The following CREBBP variants were observed in gnomAD, a reference collection of about 807,000 sequenced individuals.
The protein encoded by CREBBP is CREB-binding protein.
A neutral mutation model predicts 265.0 loss-of-function variants in CREBBP; 19 were observed. The ratio of observed to expected loss-of-function variants is 0.07; its 90% confidence interval spans 0.05 to 0.11. The LOEUF is 0.11. Ranked by LOEUF, CREBBP falls within the 10% of genes least tolerant of loss-of-function variation. CREBBP has a pLI of 1.00. For synonymous variants in CREBBP, 1,457 were observed against 1,223.7 expected, an observed-to-expected ratio of 1.19 and a Z score of -3.98; for missense variants, 2,525 against 3,219.0, an observed-to-expected ratio of 0.78 and a Z score of 5.22.
In CREBBP at chr16:3,880,083, G is replaced by T; in HGVS notation, c.-167C>A. 1 of 334,510 alleles carries T rather than the reference G, an allele frequency of 3.0e-6. No homozygotes were observed. The highest frequency in any genetic ancestry group is 1.3e-4 in the South Asian group (1 of 7,950). 20.7% of individuals were successfully genotyped at this position (334,510 alleles called of 1,614,324 possible). A position where few individuals can be genotyped will look rare whatever the true frequency, so the allele number is the denominator to read the frequency against. On this transcript the variant is annotated 5_prime_UTR_variant, in exon 1 of 31. Coordinates refer to ENST00000262367, the MANE Select transcript of CREBBP (RefSeq NM_004380.3). ...AGGGCGCAGGCCGGGTGGGGGAGGC[G>T]GCGGCCAAATCTCAGCCACAGCAAC...
chr16:3,869,928 C>A (rs1199087525), intron 1 of CREBBP, among the ~76,000 whole-genome samples: 1 of 152,210 alleles, frequency 6.6e-6, no homozygotes. Context: ...GACTTCTCAA[C>A]AGAAGTTCAA....
intron 13 of CREBBP, among the ~76,000 whole-genome samples, chr16:3,771,734 C>A (rs2053013762): frequency 6.6e-6 from 1 of 151,714 alleles, no homozygotes; most frequent in South Asian, 2.1e-4. Context: ...TGATTCACAT[C>A]CCTGGGGGCA....
intron 2 of CREBBP, among the ~76,000 whole-genome samples, chr16:3,818,733 A>G (rs1234513309): frequency 6.6e-6 from 1 of 152,136 alleles, no homozygotes; most frequent in Non-Finnish European, 1.5e-5. Flanking sequence ...ACAGCAGACC[A>G]CTCAGAGGAA....
rs368186457 is a variant in CREBBP at position 3,731,805 on chromosome 16, G to C, written c.4861C>G (p.Leu1621Val). 10 of 1,614,280 alleles carry C rather than the reference G, an allele frequency of 6.2e-6. No homozygotes were observed. Among genetic ancestry groups the C allele is most frequent in the Non-Finnish European group, 8.5e-6 (10 of 1,180,058 alleles). Residue 1621 changes from leucine to valine, a missense_variant, in exon 29 of 31, where the codon CTG (leucine) becomes GTG (valine). Physicochemically the swap from Leu to Val is conservative, Grantham distance 32. This residue lies in a region of CREBBP where 93 missense variants were observed against 161.5 expected (regional missense o/e 0.58). Coordinates refer to ENST00000262367, the MANE Select transcript of CREBBP (RefSeq NM_004380.3). The surrounding 1 kb of genome is among the most constrained non-coding windows in gnomAD (Gnocchi z 7.7). ...TTGTGCTTCTCCATGGTGGCATACA[G>C]CTTCTGGGACAGGTCATTGGACACG... ...PNVSNDLSQK[L>V]YATMEKHKEV...
chr16:3,851,855 C>T (rs1334216444), intron 1 of CREBBP, among the ~76,000 whole-genome samples: 7 of 71,522 alleles, frequency 9.8e-5, no homozygotes, highest in Admixed American at 1.7e-4. Context: ...AGCGAGACTC[C>T]GTCTCAAAAA....
chr16:3,833,437 A>C (rs2054382445), intron 2 of CREBBP, among the ~76,000 whole-genome samples: 1 of 152,138 alleles, frequency 6.6e-6, no homozygotes, highest in South Asian at 2.1e-4. Flanking sequence ...CAAACAAACA[A>C]AACATTGTAC....
At chr16:3,820,546 A>G (rs1295831494) in intron 2 of CREBBP, among the ~76,000 whole-genome samples, 1 of 152,234 alleles carries the variant, frequency 6.6e-6, no homozygotes, top group Admixed American at 6.5e-5. Flanking sequence ...GACTAGTAAC[A>G]AAGTATTTAG....
intron 26 of CREBBP, among the ~76,000 whole-genome samples, chr16:3,737,941 C>T (rs1402931429): frequency 2.6e-5 from 4 of 151,802 alleles, no homozygotes; most frequent in Admixed American, 6.6e-5. Flanking sequence ...GCTCATGCTA[C>T]TATGCCCGGC....
intron 1 of CREBBP, among the ~76,000 whole-genome samples, chr16:3,856,123 A>T (rs1190918479): frequency 6.6e-6 from 1 of 152,172 alleles, no homozygotes; most frequent in Non-Finnish European, 1.5e-5. Context: ...CCAAATAACA[A>T]CATTTTATTT....
intron 24 of CREBBP, 32 bp downstream of exon 24, chr16:3,740,367 C>T (rs1243849611): frequency 7.4e-6 from 12 of 1,613,354 alleles, no homozygotes; most frequent in South Asian, 5.5e-5. Flanking sequence ...GGGGACTGCT[C>T]GCAGAGCACT....
At chr16:3,735,547 C>A (rs180698863) in intron 28 of CREBBP, among the ~76,000 whole-genome samples, 1 of 152,120 alleles carries the variant, frequency 6.6e-6, no homozygotes, top group East Asian at 1.9e-4. Context: ...CCGCCTGCCT[C>A]GGCCTCCCAA....
rs2051710129 is a variant in CREBBP at position 3,725,150 on chromosome 16, CTT to C, written c.*2566_*2567del. ...CAAATATAGGACTTTTTCTTCTCCT[CTT>C]AAGTATACAGCATGAGACACAGCGT... On this transcript the variant is annotated 3_prime_UTR_variant, in exon 31 of 31. Transcript: ENST00000262367. 4.3e-6 allele frequency: 1 copy of C among 233,376 alleles called. No homozygotes were observed. Among genetic ancestry groups the C allele is most frequent in the Non-Finnish European group, 8.5e-6 (1 of 117,942 alleles). The allele number at this position is 233,376 out of a possible 1,614,324, so 14.5% of individuals were successfully genotyped here.
At chr16:3,793,327 A>G in intron 4 of CREBBP, 59 bp downstream of exon 4, 3 of 1,611,418 alleles carry the variant, frequency 1.9e-6, no homozygotes, top group East Asian at 2.2e-5. Flanking sequence ...TGCTGTAAGA[A>G]CAATAAAGGC....
intron 1 of CREBBP, among the ~76,000 whole-genome samples, chr16:3,853,162 C>T (rs1437032431): frequency 6.6e-6 from 1 of 152,070 alleles, no homozygotes; most frequent in African/African-American, 2.4e-5. Context: ...ACAATGGCCC[C>T]TACACCTCAT....
chr16:3,818,306 T>TC (rs951840335), intron 2 of CREBBP, among the ~76,000 whole-genome samples: 8 of 139,822 alleles, frequency 5.7e-5, no homozygotes, highest in African/African-American at 1.3e-4. Flanking sequence ...TTCTTTTCTT[T>TC]TTTTTTTTTT....
At chr16:3,740,696 C>A in intron 23 of CREBBP, 147 bp from the exon 24 acceptor site, 1 of 959,586 alleles carries the variant, frequency 1.0e-6, no homozygotes, top group South Asian at 1.4e-5. Context: ...TCTAATCTGT[C>A]CTGTGACACG....
chr16:3,730,790 C>T (rs564539684), intron 30 of CREBBP, among the ~76,000 whole-genome samples: 3 of 152,248 alleles, frequency 2.0e-5, no homozygotes, highest in Non-Finnish European at 2.9e-5. Context: ...GGGACACCCA[C>T]GTCATTTCAC....
At chr16:3,866,222 A>G (rs894887492) in intron 1 of CREBBP, among the ~76,000 whole-genome samples, 2 of 152,224 alleles carry the variant, frequency 1.3e-5, no homozygotes, top group African/African-American at 2.4e-5. Flanking sequence ...AACATTTTGT[A>G]CCCAACGCTC....
At chr16:3,849,403 G>C (rs1397398999) in intron 2 of CREBBP, among the ~76,000 whole-genome samples, 2 of 4,304 alleles carry the variant, frequency 4.6e-4, no homozygotes, top group Non-Finnish European at 0.01. Context: ...GTGTGTGTGT[G>C]TGTGTGTGTG....
Sources: allele counts gnomAD v4.1 joint callset (sites outside exome capture counted in the v4.1 genomes callset), GRCh38; gene constraint gnomAD v4.1.1; regional missense constraint gnomAD v4.1.1; non-coding constraint Gnocchi (gnomAD v3.1); transcripts MANE v1.5; gene names NCBI Gene and HGNC (gene_info 2026-07-23, HGNC 2026-07-21).